Variants in DEPTOR observed in about 807,000 individuals in gnomAD.
The protein encoded by DEPTOR is DEP domain-containing mTOR-interacting protein.
DEPTOR carries 41 observed loss-of-function variants against 41.6 expected under a neutral mutation model. The ratio of observed to expected loss-of-function variants is 0.98; its 90% CI spans 0.77 to 1.28. The LOEUF is 1.28. DEPTOR is among the 50% of genes most tolerant of loss of function. The probability of loss-of-function intolerance (pLI) is 0.00; values close to 1 mark genes in which losing one functional copy is unlikely to be tolerated. For missense variants in DEPTOR, 514 were observed against 527.9 expected (o/e 0.97, Z 0.26); for synonymous variants, 195 against 192.3 (o/e 1.01, Z -0.12).
intron 8 of DEPTOR, among the ~76,000 whole-genome samples, chr8:120,017,631 A>G (rs760662996): frequency 1.3e-5 from 2 of 152,214 alleles, no homozygotes; most frequent in African/African-American, 4.8e-5. Context: ...AGGGTCATCC[A>G]AGTGAAAAAT....
At chr8:119,986,297 G>A (rs1221477722) in intron 4 of DEPTOR, among the ~76,000 whole-genome samples, 3 of 152,046 alleles carry the variant, frequency 2.0e-5, no homozygotes, top group Non-Finnish European at 4.4e-5. Flanking sequence ...GCGTAGTTTG[G>A]CCTGCATATG....
At chr8:120,039,904 G>A (rs1017078152) in intron 8 of DEPTOR, among the ~76,000 whole-genome samples, 2 of 152,044 alleles carry the variant, frequency 1.3e-5, no homozygotes, top group East Asian at 1.9e-4. Flanking sequence ...GAGTGCAATG[G>A]CACAAACTCG....
intron 8 of DEPTOR, among the ~76,000 whole-genome samples, chr8:120,045,470 A>G (rs561362103): frequency 5.3e-4 from 80 of 152,296 alleles, no homozygotes; most frequent in African/African-American, 1.9e-3. Context: ...GCCTGGGTTG[A>G]AGCGATACTC....
intron 6 of DEPTOR, among the ~76,000 whole-genome samples, chr8:120,003,867 A>T (rs939220775): frequency 2.6e-5 from 4 of 152,072 alleles, no homozygotes; most frequent in African/African-American, 9.7e-5. Context: ...CATTGAAACT[A>T]CCCTTTCTCA....
chr8:120,047,767 C>A (rs1041941645), intron 8 of DEPTOR, among the ~76,000 whole-genome samples: 1 of 151,970 alleles, frequency 6.6e-6, no homozygotes, highest in African/African-American at 2.4e-5. Flanking sequence ...ATGCTGAGGC[C>A]AAGTGTGGTG....
At chr8:120,045,527 C>G (rs1488327794) in intron 8 of DEPTOR, among the ~76,000 whole-genome samples, 1 of 152,110 alleles carries the variant, frequency 6.6e-6, no homozygotes, top group Non-Finnish European at 1.5e-5. Context: ...TGTGCCACCA[C>G]ACCTGGCTAA....
intron 3 of DEPTOR, among the ~76,000 whole-genome samples, chr8:119,961,609 TTGATAGGTATAGAGTGAG>T (rs1229720695): frequency 6.6e-6 from 1 of 152,044 alleles, no homozygotes; most frequent in Non-Finnish European, 1.5e-5. Context: ...AATGCAATGA[TTGATAGGTATAGAGTGAG>T]TGTTTGCATG....
chr8:119,887,111 T>TC (rs1827374988), intron 1 of DEPTOR, among the ~76,000 whole-genome samples: 4 of 12,790 alleles, frequency 3.1e-4, no homozygotes, highest in Admixed American at 8.0e-4. Context: ...CCCCTTCCCC[T>TC]CCCCTCCCCC....
chr8:120,028,238 C>G (rs1812830967), intron 8 of DEPTOR, among the ~76,000 whole-genome samples: 1 of 151,660 alleles, frequency 6.6e-6, no homozygotes, highest in South Asian at 2.1e-4. Flanking sequence ...TCACTGCAAC[C>G]TCCACCTCCC....
chr8:119,903,648 T>C (rs1257414322), intron 1 of DEPTOR, among the ~76,000 whole-genome samples: 2 of 152,162 alleles, frequency 1.3e-5, no homozygotes, highest in African/African-American at 4.8e-5. Context: ...GTCTCCTATT[T>C]CGTCATGTCA....
chr8:119,990,171 T>C (rs982467527), intron 4 of DEPTOR, among the ~76,000 whole-genome samples: 2 of 152,196 alleles, frequency 1.3e-5, no homozygotes, highest in African/African-American at 2.4e-5. Flanking sequence ...TATTTAGTTT[T>C]TTTTTGAGAC....
intron 4 of DEPTOR, among the ~76,000 whole-genome samples, chr8:119,979,552 T>C (rs1056107972): frequency 6.6e-6 from 1 of 152,196 alleles, no homozygotes; most frequent in African/African-American, 2.4e-5. Context: ...TGTGAGCTAC[T>C]GCACCTGGCC....
chr8:120,004,159 A>G (rs909949684), intron 6 of DEPTOR, among the ~76,000 whole-genome samples: 1 of 152,238 alleles, frequency 6.6e-6, no homozygotes, highest in African/African-American at 2.4e-5. Context: ...AGTAAGAATA[A>G]GCACTAATTG....
intron 3 of DEPTOR, among the ~76,000 whole-genome samples, chr8:119,932,841 C>G (rs546300163): frequency 6.6e-6 from 1 of 152,110 alleles, no homozygotes; most frequent in Non-Finnish European, 1.5e-5. Flanking sequence ...ATAAAGGAAG[C>G]CTTGCAGATA....
intron 1 of DEPTOR, among the ~76,000 whole-genome samples, chr8:119,899,713 C>T (rs931767895): frequency 6.6e-5 from 10 of 152,182 alleles, no homozygotes; most frequent in African/African-American, 1.9e-4. Flanking sequence ...ATTTCAAGAT[C>T]GTGCAGTCTT....
intron 7 of DEPTOR, 137 bp from the exon 8 acceptor site, chr8:120,008,889 TCCC>T: frequency 1.4e-6 from 1 of 739,568 alleles, no homozygotes; most frequent in Non-Finnish European, 2.3e-6. Flanking sequence ...AGTGTTCCAA[TCCC>T]CTGGCAGGGA....
chr8:120,013,104 C>T (rs1223640094), intron 8 of DEPTOR, among the ~76,000 whole-genome samples: 2 of 149,958 alleles, frequency 1.3e-5, no homozygotes. Context: ...TTGTAGTGAG[C>T]CAAGATTGCA....
chr8:119,945,993 C>A (rs1445386452), intron 3 of DEPTOR, among the ~76,000 whole-genome samples: 2 of 152,124 alleles, frequency 1.3e-5, no homozygotes, highest in South Asian at 4.1e-4. Context: ...AGGCTTTGTC[C>A]ACGCAAACCA....
intron 3 of DEPTOR, among the ~76,000 whole-genome samples, chr8:119,938,853 C>G (rs114537350): frequency 0.014 from 2,181 of 151,764 alleles, 57 homozygotes; most frequent in African/African-American, 0.05. Context: ...CCCTCCCTCC[C>G]TCCCCGTTTC....
Sources: gnomAD v4.1 joint callset for allele counts (sites outside exome capture counted in the v4.1 genomes callset) on GRCh38, gnomAD v4.1.1 for gene constraint, MANE v1.5 for transcripts, NCBI Gene and HGNC (gene_info 2026-07-23, HGNC 2026-07-21) for gene names.